PHKA1: variants seen among roughly 807,000 people sequenced by gnomAD.
PHKA1 encodes the protein phosphorylase kinase regulatory subunit alpha 1.
Under a neutral mutation model 110.2 loss-of-function variants are expected in PHKA1, and 60 were observed. The observed-to-expected ratio is 0.54, with a 90% CI of 0.44 to 0.68. The LOEUF (loss-of-function observed/expected upper bound fraction) is 0.68, where lower values mean the gene tolerates loss of function less well. PHKA1 is among the 30% of genes least tolerant of loss of function. The pLI, the probability that PHKA1 is intolerant of heterozygous loss-of-function variation, is 0.00. For missense variants in PHKA1, 801 were observed against 942.5 expected, an observed-to-expected ratio of 0.85 and a Z score of 1.97; for synonymous variants, 316 against 333.6, an observed-to-expected ratio of 0.95 and a Z score of 0.58.
intron 4 of PHKA1, among the ~76,000 whole-genome samples, chrX:72,690,251 C>T (rs979801424): frequency 9.9e-5 from 11 of 110,998 alleles, no homozygotes; most frequent in Admixed American, 1.9e-4. Flanking sequence ...TTATGCTTTT[C>T]GTGCCATATC....
chrX:72,638,512 T>C (rs2053257408), intron 14 of PHKA1, among the ~76,000 whole-genome samples: 1 of 111,402 alleles, frequency 9.0e-6, no homozygotes, highest in Non-Finnish European at 1.9e-5. Context: ...CTTTTTTCAA[T>C]GCTGAATACG....
At chrX:72,621,891 G>A (rs1370983325) in intron 18 of PHKA1, 10 of 751,470 alleles carry the variant, frequency 1.3e-5, no homozygotes, top group Non-Finnish European at 1.6e-5. Flanking sequence ...AACTAGGAAA[G>A]TGACTCAGAA....
chrX:72,697,165 A>G (rs2054132468), intron 3 of PHKA1: 1 of 111,152 alleles, frequency 9.0e-6, no homozygotes, highest in Non-Finnish European at 1.9e-5. Flanking sequence ...CTAGGACCGT[A>G]GAGAGCAGTC....
intron 16 of PHKA1, among the ~76,000 whole-genome samples, chrX:72,627,811 C>CGT (rs2053101508): frequency 4.4e-5 from 3 of 67,868 alleles, no homozygotes; most frequent in Non-Finnish European, 2.6e-5. Flanking sequence ...TTTTCCTACA[C>CGT]TTTTTTTTTT....
intron 5 of PHKA1, among the ~76,000 whole-genome samples, chrX:72,682,016 C>T (rs1603270671): frequency 2.4e-5 from 2 of 82,384 alleles, no homozygotes; most frequent in African/African-American, 8.4e-5. Context: ...CCGCCCCGTC[C>T]GGGAGGGAGG....
chrX:72,696,950 A>T (rs942578183), intron 3 of PHKA1, among the ~76,000 whole-genome samples: 3 of 111,436 alleles, frequency 2.7e-5, no homozygotes, highest in African/African-American at 9.8e-5. Flanking sequence ...CCCCCTCAAC[A>T]GAATCCCTGA....
At chrX:72,683,730 A>AT (rs2053937521) in intron 5 of PHKA1, among the ~76,000 whole-genome samples, 1 of 112,298 alleles carries the variant, frequency 8.9e-6, no homozygotes, top group Non-Finnish European at 1.9e-5. Context: ...CAGTCTGTAC[A>AT]TTTTTTGTCT....
intron 31 of PHKA1, 136 bp downstream of exon 31, chrX:72,582,262 C>T (rs1490819018): frequency 1.9e-5 from 9 of 474,703 alleles, no homozygotes; most frequent in East Asian, 3.7e-5. Context: ...AGCTCAGAGC[C>T]GCTACAAAGG....
rs782503855 is a variant in PHKA1 at position 72,713,951 on chromosome X, A to C, written c.-71T>G. On this transcript the variant is annotated 5_prime_UTR_variant, in exon 1 of 32. Coordinates refer to ENST00000373542, the MANE Select transcript of PHKA1 (RefSeq NM_002637.4). ...CCGGAGCCTTCGGTCCCTAAGGAAC[A>C]AGTATCCAACGCTGCTCCACCCTCG... 1 of 791,723 alleles carries C rather than the reference A, an allele frequency of 1.3e-6. No individual in the cohort carries two copies. The highest frequency in any genetic ancestry group is 2.2e-5 in the South Asian group (1 of 46,124). 65.2% of individuals were successfully genotyped at this position (791,723 alleles called of 1,213,427 possible). A position where few individuals can be genotyped will look rare whatever the true frequency, so the allele number is the denominator to read the frequency against.
At chrX:72,655,772 G>A (rs1556301050) in intron 10 of PHKA1, among the ~76,000 whole-genome samples, 2 of 111,442 alleles carry the variant, frequency 1.8e-5, no homozygotes, top group South Asian at 3.8e-4. Flanking sequence ...ACAGGCGCCT[G>A]CCACCACGCC....
At chrX:72,687,939 G>C (rs1556319485) in intron 4 of PHKA1, among the ~76,000 whole-genome samples, 1 of 107,255 alleles carries the variant, frequency 9.3e-6, no homozygotes, top group Admixed American at 1.0e-4. Flanking sequence ...TGATTCTCCT[G>C]TCTCAGCCTC....
At chrX:72,697,568 G>GTT (rs1178050899) in intron 3 of PHKA1, among the ~76,000 whole-genome samples, 1 of 100,671 alleles carries the variant, frequency 9.9e-6, no homozygotes, top group African/African-American at 3.6e-5. Flanking sequence ...TTGAGCAAAA[G>GTT]TTTTTTTTTT....
rs1457667283 is a variant in PHKA1 at position 72,597,805 on chromosome X, CTA to C, written c.3072+4184_3072+4185del. ...AGTGAGTATGACTATATGCTGAGAT[CTA>C]TGAGTCTTCCTAGTGAATCATTAAA... is the stretch of plus-strand genomic sequence containing the variant. On this transcript the variant is annotated intron_variant, in intron 28 of 31. Transcript: ENST00000373542. 3.6e-5 allele frequency among the ~76,000 whole-genome samples: 4 copies of C among 111,673 alleles called. No individual in the cohort carries two copies. The East Asian group carries it at 1.1e-3, about 31-fold the overall frequency.
At chrX:72,602,939 T>C (rs1423136770) in intron 26 of PHKA1, among the ~76,000 whole-genome samples, 180 bp downstream of exon 26, 12 of 112,142 alleles carry the variant, frequency 1.1e-4, no homozygotes, top group Admixed American at 4.7e-4. Flanking sequence ...GATATACCAT[T>C]TAAGGAAAAA....
chrX:72,656,273 C>T lies in PHKA1; in HGVS notation c.919-31G>A, dbSNP rs782259586. The T allele has an allele frequency of 3.3e-6, 4 of 1,196,909 alleles. No homozygotes were observed. In the South Asian group the frequency reaches 7.1e-5, roughly 21 times the overall value. On this transcript the variant is annotated intron_variant, in intron 9 of 31. Coordinates refer to ENST00000373542, the MANE Select transcript of PHKA1 (RefSeq NM_002637.4). ...AAAAACACAATAAAGTCTGTCATCA[C>T]TCAGAGGTTAGATGTATATCTTTAG...
intron 16 of PHKA1, among the ~76,000 whole-genome samples, chrX:72,632,114 C>T (rs184068721): frequency 2.6e-3 from 289 of 111,687 alleles, no homozygotes; most frequent in African/African-American, 9.0e-3. Context: ...TACTTTTTAA[C>T]CATAAACATT....
At chrX:72,649,041 G>C (rs1556298016) in intron 13 of PHKA1, among the ~76,000 whole-genome samples, 2 of 111,985 alleles carry the variant, frequency 1.8e-5, no homozygotes, top group Admixed American at 1.9e-4. Flanking sequence ...GAATGAATTA[G>C]AGCAACCAGG....
At chrX:72,683,570 A>G (rs782761782) in intron 5 of PHKA1, among the ~76,000 whole-genome samples, 1 of 112,470 alleles carries the variant, frequency 8.9e-6, no homozygotes, top group African/African-American at 3.2e-5. Flanking sequence ...GCGTGAAACT[A>G]TCATCATAAT....
intron 6 of PHKA1, among the ~76,000 whole-genome samples, chrX:72,675,788 T>C (rs1393396324): frequency 9.1e-6 from 1 of 110,432 alleles, no homozygotes; most frequent in Non-Finnish European, 1.9e-5. Flanking sequence ...TGCTTGTTTT[T>C]GTAATGGTAG....
Sources: gnomAD v4.1 joint callset for allele counts (sites outside exome capture counted in the v4.1 genomes callset) on GRCh38, gnomAD v4.1.1 for gene constraint, MANE v1.5 for transcripts, NCBI Gene and HGNC (gene_info 2026-07-23, HGNC 2026-07-21) for gene names.